B4GALT5: variants seen among roughly 807,000 people sequenced by gnomAD.
The protein encoded by B4GALT5 is beta-1,4-galactosyltransferase 5, also known as UDP-Gal:beta-GlcNAc beta-1,4-galactosyltransferase 5.
In B4GALT5, 11 loss-of-function variants were observed where a neutral mutation model predicts 45.0. The observed-to-expected ratio is 0.24, with a 90% CI of 0.15 to 0.40. The LOEUF (loss-of-function observed/expected upper bound fraction) is 0.40. B4GALT5 is among the 10% of genes least tolerant of loss of function. The pLI, the probability that B4GALT5 is intolerant of heterozygous loss-of-function variation, is 1.00. For missense variants in B4GALT5, 337 were observed against 500.2 expected (o/e 0.67, Z 3.11); for synonymous variants, 185 against 182.9 (o/e 1.01, Z -0.09).
At chr20:49,647,200 T>C in intron 2 of B4GALT5, 122 bp from the exon 3 acceptor site, 1 of 608,724 alleles carries the variant, frequency 1.6e-6, no homozygotes, top group Non-Finnish European at 2.9e-6. Flanking sequence ...GACAGGACTC[T>C]GGACTACCGC....
chr20:49,646,172 G>A (rs1440511396), intron 3 of B4GALT5, among the ~76,000 whole-genome samples: 1 of 152,152 alleles, frequency 6.6e-6, no homozygotes, highest in Non-Finnish European at 1.5e-5. Context: ...AAGTTCACAA[G>A]TTTAGAAAGT....
At chr20:49,672,944 G>A (rs960235886) in intron 1 of B4GALT5, among the ~76,000 whole-genome samples, 2 of 152,312 alleles carry the variant, frequency 1.3e-5, no homozygotes, top group Non-Finnish European at 2.9e-5. Context: ...ACAATGGAGA[G>A]ATCAGATAGG....
chr20:49,654,205 C>G (rs894191051), intron 2 of B4GALT5, among the ~76,000 whole-genome samples: 2 of 152,186 alleles, frequency 1.3e-5, no homozygotes, highest in African/African-American at 4.8e-5. Context: ...AGGATTTTGG[C>G]AGGGTTTAGG....
intron 6 of B4GALT5, 131 bp from the exon 7 acceptor site, chr20:49,639,931 T>C (rs1568714478): frequency 1.6e-6 from 2 of 1,268,572 alleles, no homozygotes; most frequent in South Asian, 1.5e-5. Flanking sequence ...TGTATCAAAT[T>C]AGCAAAATTA....
At chr20:49,694,783 A>G (rs2085831475) in intron 1 of B4GALT5, among the ~76,000 whole-genome samples, 1 of 152,116 alleles carries the variant, frequency 6.6e-6, no homozygotes, top group Non-Finnish European at 1.5e-5. Context: ...GCATATGCAC[A>G]ATTTCATCCA....
Position 49,684,988 on chromosome 20 carries a change from T to C in B4GALT5, c.116-28286A>G, listed in dbSNP as rs138495151. On this transcript the variant is annotated intron_variant, in intron 1 of 8. Coordinates refer to ENST00000371711, the MANE Select transcript of B4GALT5 (RefSeq NM_004776.4). The stretch of plus-strand genomic sequence containing the variant: ...GAGTAATTTTAGAATTATAGAAAAG[T>C]TGTGAATATAGTACACAGAGTTTCC... Among the ~76,000 whole-genome samples the C allele has an allele frequency of 5.0e-4, 76 of 152,342 alleles. No individual in the cohort carries two copies. The East Asian group carries it at 0.014, about 28-fold the overall frequency.
intron 1 of B4GALT5, among the ~76,000 whole-genome samples, chr20:49,669,697 A>G (rs1446962712): frequency 1.0e-5 from 1 of 96,810 alleles, no homozygotes; most frequent in African/African-American, 4.0e-5. Context: ...ACTCCACCTC[A>G]AAAAAAAAAA....
Position 49,637,891 on chromosome 20 carries a change from T to C in B4GALT5, c.918-449A>G, listed in dbSNP as rs182194021. Among the ~76,000 whole-genome samples, 132 of 151,602 alleles carry C rather than the reference T, an allele frequency of 8.7e-4. 4 individuals carry two copies. The highest frequency in any genetic ancestry group is 7.8e-3 in the Admixed American group (119 of 15,222). On this transcript the variant is annotated intron_variant, in intron 7 of 8. Transcript: ENST00000371711. The stretch of plus-strand genomic sequence containing the variant: ...GAGGCAAAGGTTGCAGTGAGCAAAA[T>C]TGCACCAGCTTGGGTAACAGAAAGA...
chr20:49,649,220 T>C (rs1364391942), intron 2 of B4GALT5, among the ~76,000 whole-genome samples: 2 of 152,210 alleles, frequency 1.3e-5, no homozygotes, highest in Non-Finnish European at 2.9e-5. Context: ...TCCTTTTCAG[T>C]AGTAGCTTTC....
In B4GALT5 at chr20:49,702,881, T is replaced by C. The variant is rs2085868219; in HGVS notation, c.115+10695A>G. On this transcript the variant is annotated intron_variant, in intron 1 of 8. Coordinates refer to ENST00000371711, the MANE Select transcript of B4GALT5 (RefSeq NM_004776.4). The stretch of plus-strand genomic sequence containing the variant: ...AAAAACAAAAAAAAACCCTAAAAAA[T>C]AGTGATTACTGGCCAGGCGCGGTGG... Among the ~76,000 whole-genome samples, 2 of 149,608 alleles carry C rather than the reference T, an allele frequency of 1.3e-5. 1 individual carries two copies. The highest frequency in any genetic ancestry group is 4.9e-5 in the African/African-American group (2 of 40,422).
At chr20:49,644,674 C>T (rs2085591963) in intron 3 of B4GALT5, among the ~76,000 whole-genome samples, 1 of 152,172 alleles carries the variant, frequency 6.6e-6, no homozygotes, top group South Asian at 2.1e-4. Flanking sequence ...CCAAACTAAG[C>T]TTACATCTAG....
chr20:49,673,100 G>C (rs1046296871), intron 1 of B4GALT5, among the ~76,000 whole-genome samples: 3 of 152,074 alleles, frequency 2.0e-5, no homozygotes, highest in African/African-American at 7.2e-5. Context: ...ACAGTGGATT[G>C]GCCAGGCGCA....
At chr20:49,640,844 T>C (rs1351273907) in intron 5 of B4GALT5, among the ~76,000 whole-genome samples, 179 bp from the exon 6 acceptor site, 1 of 151,932 alleles carries the variant, frequency 6.6e-6, no homozygotes, top group African/African-American at 2.4e-5. Flanking sequence ...ACCTCTGGCA[T>C]GGGCACAGTG....
chr20:49,679,671 A>G (rs2085756212), intron 1 of B4GALT5, among the ~76,000 whole-genome samples: 1 of 151,774 alleles, frequency 6.6e-6, no homozygotes, highest in Admixed American at 6.6e-5. Flanking sequence ...GTGAGACTAC[A>G]TCTTCAAAAA....
chr20:49,710,157 T>C (rs928565017), intron 1 of B4GALT5, among the ~76,000 whole-genome samples: 6 of 152,212 alleles, frequency 3.9e-5, no homozygotes, highest in Admixed American at 2.6e-4. Context: ...GGAGTGATGA[T>C]ATCTCTAGCC....
intron 1 of B4GALT5, among the ~76,000 whole-genome samples, chr20:49,712,844 G>C (rs138392715): frequency 0.011 from 1,617 of 147,662 alleles, 108 homozygotes; most frequent in South Asian, 0.034. Flanking sequence ...AGGTGGGGGG[G>C]GGGGAGATGG....
chr20:49,699,215 C>T (rs2085851404), intron 1 of B4GALT5, among the ~76,000 whole-genome samples: 1 of 152,072 alleles, frequency 6.6e-6, no homozygotes, highest in African/African-American at 2.4e-5. Context: ...TGTTTATCAA[C>T]TTTTTCATCT....
chr20:49,707,443 T>C lies in B4GALT5; in HGVS notation c.115+6133A>G, dbSNP rs191557537. 5.2e-3 allele frequency among the ~76,000 whole-genome samples: 798 copies of C among 152,054 alleles called. 3 individuals are homozygous for C. The highest frequency in any genetic ancestry group is 0.02 in the Middle Eastern group (6 of 294). On this transcript the variant is annotated intron_variant, in intron 1 of 8. Coordinates refer to ENST00000371711, the MANE Select transcript of B4GALT5 (RefSeq NM_004776.4). ...GTGAAGTAACCCATATTTCCCCATATGTATTTCATTCTAGAAAGCTCAGAA... is the reference window on the plus strand; with the variant it reads ...GTGAAGTAACCCATATTTCCCCATACGTATTTCATTCTAGAAAGCTCAGAA...
chr20:49,707,691 T>C (rs541706343), intron 1 of B4GALT5, among the ~76,000 whole-genome samples: 1 of 152,132 alleles, frequency 6.6e-6, no homozygotes, highest in Admixed American at 6.5e-5. Context: ...CATGGCTCAT[T>C]GCAGCCTCGA....
Sources: allele counts gnomAD v4.1 joint callset (sites outside exome capture counted in the v4.1 genomes callset), GRCh38; gene constraint gnomAD v4.1.1; transcripts MANE v1.5; gene names NCBI Gene and HGNC (gene_info 2026-07-23, HGNC 2026-07-21).